The following WNT7A variants were observed in gnomAD, a reference collection of about 807,000 sequenced individuals.
WNT7A encodes the protein Wnt family member 7A, also known as protein Wnt-7a.
WNT7A carries 16 observed loss-of-function variants against 28.2 expected under a neutral mutation model. The observed-to-expected ratio is 0.57, with a 90% CI of 0.38 to 0.86. The LOEUF (loss-of-function observed/expected upper bound fraction) is 0.86. Ranked by LOEUF, WNT7A falls within the 40% of genes least tolerant of loss-of-function variation. The pLI is 0.00. For synonymous variants in WNT7A, 190 were observed against 195.9 expected (o/e 0.97, Z 0.25); for missense variants, 411 against 489.7 (o/e 0.84, Z 1.52).
chr3:13,825,562 C>T (rs1233495974), intron 3 of WNT7A, among the ~76,000 whole-genome samples: 1 of 152,232 alleles, frequency 6.6e-6, no homozygotes, highest in Non-Finnish European at 1.5e-5. Context: ...AGCAGTTTAA[C>T]AATTGACAAA....
intron 3 of WNT7A, among the ~76,000 whole-genome samples, chr3:13,820,712 C>G (rs1694093818): frequency 6.6e-6 from 1 of 152,188 alleles, no homozygotes; most frequent in East Asian, 1.9e-4. Context: ...AAGTCCCTGA[C>G]TCTGAGAATT....
chr3:13,856,960 A>AAGAAGAAGAAGAAGAAGAAGG (rs1559303362), intron 2 of WNT7A, among the ~76,000 whole-genome samples: 5 of 117,466 alleles, frequency 4.3e-5, no homozygotes, highest in African/African-American at 2.1e-4. Flanking sequence ...GAAGAAGAAG[A>AAGAAGAAGAAGAAGAAGAAGG]AGAAGAAGGA....
intron 3 of WNT7A, among the ~76,000 whole-genome samples, chr3:13,851,043 C>G (rs572537062): frequency 1.4e-4 from 22 of 152,228 alleles, no homozygotes; most frequent in Admixed American, 9.8e-4. Context: ...GCTTCCATTA[C>G]GACCCTGTTC....
chr3:13,868,578 G>A (rs1311630379), intron 2 of WNT7A, among the ~76,000 whole-genome samples: 3 of 19,306 alleles, frequency 1.6e-4, no homozygotes, highest in Non-Finnish European at 2.6e-4. Flanking sequence ...GAGAGAGAGA[G>A]AGAGAGAGAG....
rs573658122 is a variant in WNT7A at position 13,853,249 on chromosome 3, G to C, written c.570+1283C>G. 1.1e-4 allele frequency among the ~76,000 whole-genome samples: 16 copies of C among 152,320 alleles called. No homozygotes were observed. In the South Asian group the frequency reaches 3.1e-3, roughly 30 times the overall value. ...CGGTATGCTTAAAGTCTAGAGAGGG[G>C]AGAAAGCCACGGAACAAGGCAAACT... On this transcript the variant is annotated intron_variant, in intron 3 of 3. Transcript: ENST00000285018.
chr3:13,862,847 G>A (rs531763207), intron 2 of WNT7A, among the ~76,000 whole-genome samples: 14 of 152,246 alleles, frequency 9.2e-5, no homozygotes, highest in Non-Finnish European at 2.1e-4. Flanking sequence ...CTGGCTTCAC[G>A]CCTTTGCACA....
intron 3 of WNT7A, among the ~76,000 whole-genome samples, chr3:13,834,314 G>T (rs1694329595): frequency 6.6e-6 from 1 of 152,106 alleles, no homozygotes; most frequent in East Asian, 1.9e-4. Flanking sequence ...CCTTCCAGTT[G>T]TGGGGAGCTG....
chr3:13,868,587 AG>A (rs767808510), intron 2 of WNT7A, among the ~76,000 whole-genome samples: 1,956 of 15,020 alleles, frequency 0.13, 552 homozygotes, highest in South Asian at 0.17. Context: ...AGAGAGAGAG[AG>A]AGGGAGAAAG....
Position 13,818,894 on chromosome 3 carries a change from G to C in WNT7A, c.*50C>G. On this transcript the variant is annotated 3_prime_UTR_variant, in exon 4 of 4. Transcript: ENST00000285018. ...GAGCCCGCAGCTTGGAAACGGTCCA[G>C]TCCTCCCAGCAATCTGACTTGCAGC... 1.3e-6 allele frequency: 2 copies of C among 1,535,780 alleles called. No individual in the cohort carries two copies. The highest frequency in any genetic ancestry group is 1.8e-6 in the Non-Finnish European group (2 of 1,137,072).
chr3:13,856,557 C>T (rs1170000330), intron 2 of WNT7A, among the ~76,000 whole-genome samples: 3 of 152,178 alleles, frequency 2.0e-5, no homozygotes, highest in Admixed American at 2.0e-4. Flanking sequence ...GTGGCTTACG[C>T]CTGTAATCCC....
intron 3 of WNT7A, among the ~76,000 whole-genome samples, chr3:13,851,354 A>G (rs911103453): frequency 3.9e-5 from 6 of 152,154 alleles, no homozygotes; most frequent in African/African-American, 7.2e-5. Context: ...ACCCTCGGCC[A>G]CACGGAGCCC....
intron 3 of WNT7A, among the ~76,000 whole-genome samples, chr3:13,821,778 G>A (rs749549273): frequency 4.6e-5 from 7 of 152,322 alleles, no homozygotes; most frequent in East Asian, 1.9e-4. Context: ...TTCCCAGGGC[G>A]GGGAGGGGCT....
chr3:13,827,709 G>T (rs1342755217), intron 3 of WNT7A, among the ~76,000 whole-genome samples: 3 of 152,138 alleles, frequency 2.0e-5, no homozygotes, highest in African/African-American at 7.2e-5. Flanking sequence ...GCCACATGGT[G>T]CTCCTATGAC....
intron 1 of WNT7A, among the ~76,000 whole-genome samples, chr3:13,879,052 C>T (rs1467283890): frequency 6.6e-6 from 1 of 152,224 alleles, no homozygotes; most frequent in South Asian, 2.1e-4. Flanking sequence ...CTCTCTAGCG[C>T]TTGTCTCCCT....
At position 13,855,831 on chromosome 3, in the gene WNT7A, G is replaced by T. The variant is rs906151204; in HGVS notation, c.299-1028C>A. Among the ~76,000 whole-genome samples, 5 of 152,138 alleles carry T rather than the reference G, an allele frequency of 3.3e-5. No individual in the cohort carries two copies. The East Asian group carries it at 9.6e-4, about 29-fold the overall frequency. ...TTCAGGGAAGGCACCTGGAAGAAGA[G>T]GCCCTGGAACCCAGAGCAGGCAAAG... On this transcript the variant is annotated intron_variant, in intron 2 of 3. Transcript: ENST00000285018.
chr3:13,851,000 A>G (rs1009837864), intron 3 of WNT7A, among the ~76,000 whole-genome samples: 7 of 150,930 alleles, frequency 4.6e-5, no homozygotes, highest in African/African-American at 1.7e-4. Flanking sequence ...TCCCCCTTTA[A>G]CCCTCCCATC....
rs530225261 is a variant in WNT7A at position 13,836,295 on chromosome 3, G to T, written c.571-16872C>A. Reference sequence around the variant, plus strand: ...CACAGCTGCTCGTGCAATGACAGGGGTGTCGGCCCTCGTGTGGGCATGCAG... The same window carrying T: ...CACAGCTGCTCGTGCAATGACAGGGTTGTCGGCCCTCGTGTGGGCATGCAG... On this transcript the variant is annotated intron_variant, in intron 3 of 3. Coordinates refer to ENST00000285018, the MANE Select transcript of WNT7A (RefSeq NM_004625.4). 9.2e-5 allele frequency among the ~76,000 whole-genome samples: 14 copies of T among 152,250 alleles called. No homozygotes were observed. The South Asian group carries it at 2.9e-3, about 32-fold the overall frequency.
chr3:13,841,698 C>T (rs545679725), intron 3 of WNT7A, among the ~76,000 whole-genome samples: 40 of 152,334 alleles, frequency 2.6e-4, no homozygotes, highest in African/African-American at 9.1e-4. Flanking sequence ...TCTGTCTGGG[C>T]CTGTGCCGTT....
At chr3:13,852,832 G>T (rs530864180) in intron 3 of WNT7A, among the ~76,000 whole-genome samples, 2 of 152,136 alleles carry the variant, frequency 1.3e-5, no homozygotes, top group East Asian at 3.9e-4. Context: ...TGCATACACC[G>T]GGGAGTCCAC....
Sources: gnomAD v4.1 joint callset for allele counts (sites outside exome capture counted in the v4.1 genomes callset) on GRCh38, gnomAD v4.1.1 for gene constraint, MANE v1.5 for transcripts, NCBI Gene and HGNC (gene_info 2026-07-23, HGNC 2026-07-21) for gene names.